Variants in RARS2 observed in about 807,000 individuals in gnomAD.
The protein encoded by RARS2 is probable arginine--tRNA ligase, mitochondrial.
RARS2 carries 67 observed loss-of-function variants against 88.5 expected under a neutral mutation model. The ratio of observed to expected loss-of-function variants is 0.76; its 90% CI spans 0.62 to 0.93. The LOEUF is 0.93. RARS2 is among the 40% of genes least tolerant of loss of function. The pLI is 0.00. For synonymous variants in RARS2, 239 were observed against 230.3 expected (o/e 1.04, Z -0.34); for missense variants, 664 against 684.2 (o/e 0.97, Z 0.33).
In RARS2 at chr6:87,522,048, C is replaced by T. The variant is rs537253797; in HGVS notation, c.975-524G>A. 2.0e-5 allele frequency among the ~76,000 whole-genome samples: 3 copies of T among 152,188 alleles called. No homozygotes were observed. The South Asian group carries it at 6.2e-4, about 32-fold the overall frequency. On this transcript the variant is annotated intron_variant, in intron 11 of 19. Coordinates refer to ENST00000369536, the MANE Select transcript of RARS2 (RefSeq NM_020320.5). ...TAACGCATTTAAAAGACCATAAAGT[C>T]GGCCAGGTGTGGCGGCTCACGCCTG... is the stretch of plus-strand genomic sequence containing the variant.
intron 1 of RARS2, among the ~76,000 whole-genome samples, chr6:87,587,663 TATA>T: frequency 6.6e-6 from 1 of 152,378 alleles, no homozygotes; most frequent in South Asian, 2.1e-4. Flanking sequence ...GACTCAATTA[TATA>T]ATAAGGTTAA....
chr6:87,540,901 C>T (rs1028997730), intron 8 of RARS2, among the ~76,000 whole-genome samples: 2 of 151,852 alleles, frequency 1.3e-5, no homozygotes, highest in African/African-American at 4.9e-5. Flanking sequence ...AAAAAGCACA[C>T]ACAATTTCAG....
intron 1 of RARS2, among the ~76,000 whole-genome samples, chr6:87,588,997 C>A (rs1776102133): frequency 6.6e-6 from 1 of 152,148 alleles, no homozygotes; most frequent in Non-Finnish European, 1.5e-5. Context: ...CCGGACAGGG[C>A]AGTACATCTA....
Position 87,519,536 on chromosome 6 carries a change from A to G in RARS2, c.1237+47T>C, listed in dbSNP as rs780870787. On this transcript the variant is annotated intron_variant, in intron 14 of 19. Coordinates refer to ENST00000369536, the MANE Select transcript of RARS2 (RefSeq NM_020320.5). ...ACTGCCCAAAGTCCAGAATAACATAAAAGTGGCACGTAAGTTATGACTTTA... is the reference window on the plus strand; with the variant it reads ...ACTGCCCAAAGTCCAGAATAACATAGAAGTGGCACGTAAGTTATGACTTTA... The G allele has an allele frequency of 1.6e-5, 25 of 1,570,438 alleles. No individual in the cohort carries two copies. The African/African-American group carries it at 3.0e-4, about 19-fold the overall frequency.
chr6:87,571,835 G>A (rs1263198390), intron 1 of RARS2, among the ~76,000 whole-genome samples: 1 of 152,110 alleles, frequency 6.6e-6, no homozygotes, highest in African/African-American at 2.4e-5. Flanking sequence ...TTCTTTAAGA[G>A]GCTTGTACAT....
chr6:87,574,286 A>G (rs1770715166), intron 1 of RARS2, among the ~76,000 whole-genome samples: 1 of 152,236 alleles, frequency 6.6e-6, no homozygotes, highest in African/African-American at 2.4e-5. Flanking sequence ...TATCAGGGCT[A>G]GTTTGCAAAA....
intron 1 of RARS2, among the ~76,000 whole-genome samples, chr6:87,576,425 C>T (rs903098917): frequency 9.0e-6 from 1 of 110,728 alleles, no homozygotes; most frequent in Non-Finnish European, 1.9e-5. Context: ...TACAGGCGCC[C>T]GCTACCACGC....
Position 87,567,973 on chromosome 6 carries a change from A to G in RARS2, c.110+1544T>C, listed in dbSNP as rs567610274. 8.5e-5 allele frequency among the ~76,000 whole-genome samples: 13 copies of G among 152,138 alleles called. No individual in the cohort carries two copies. In the East Asian group the frequency reaches 2.3e-3, roughly 27 times the overall value. Reference sequence around the variant, plus strand: ...TTTCTAGTAGAGACGGGGTTTCACCATGTTAGCCAGGATGGTCTCCATCTC... The same window carrying G: ...TTTCTAGTAGAGACGGGGTTTCACCGTGTTAGCCAGGATGGTCTCCATCTC... On this transcript the variant is annotated intron_variant, in intron 2 of 19. Transcript: ENST00000369536.
chr6:87,542,882 T>C (rs1781447545), intron 7 of RARS2, among the ~76,000 whole-genome samples: 1 of 149,578 alleles, frequency 6.7e-6, no homozygotes. Context: ...AGTTAATGGG[T>C]GCAGCACACC....
chr6:87,526,430 T>C (rs1293437050), intron 10 of RARS2, among the ~76,000 whole-genome samples: 1 of 151,578 alleles, frequency 6.6e-6, no homozygotes, highest in Admixed American at 6.6e-5. Flanking sequence ...GGCAGGAGAA[T>C]AGGTTGAACC....
In RARS2 at chr6:87,564,168, G is replaced by A. The variant is rs1456548023; in HGVS notation, c.175C>T (p.Pro59Ser). Residue 59 changes from proline to serine, a missense_variant, in exon 3 of 20, where the codon CCA becomes TCA. Physicochemically the swap from Pro to Ser is moderately conservative, Grantham distance 74. Coordinates refer to ENST00000369536, the MANE Select transcript of RARS2 (RefSeq NM_020320.5). ...LLEKDNDHSR[P>S]DIQVQAKRLA... Reference sequence around the variant, plus strand: ...CTCTTGGCTTGAACTTGAATATCTGGTCTTGAATGGTCATTGTCTTTTTCC... The same window carrying A: ...CTCTTGGCTTGAACTTGAATATCTGATCTTGAATGGTCATTGTCTTTTTCC... 1.2e-6 allele frequency: 2 copies of A among 1,613,480 alleles called. No homozygotes were observed. The highest frequency in any genetic ancestry group is 3.3e-5 in the Admixed American group (2 of 59,988).
chr6:87,518,303 A>G, intron 16 of RARS2, 39 bp from the exon 17 acceptor site: 1 of 1,613,710 alleles, frequency 6.2e-7, no homozygotes, highest in South Asian at 1.1e-5. Context: ...CAAAAGATTA[A>G]AAAGTCATAC....
intron 8 of RARS2, among the ~76,000 whole-genome samples, chr6:87,537,171 G>T (rs1483452175): frequency 2.6e-5 from 4 of 152,242 alleles, no homozygotes; most frequent in Non-Finnish European, 5.9e-5. Context: ...ATCTGCTACT[G>T]GATGGCCTAT....
intron 1 of RARS2, among the ~76,000 whole-genome samples, chr6:87,576,013 T>G (rs1004927826): frequency 2.6e-5 from 4 of 151,466 alleles, no homozygotes; most frequent in African/African-American, 9.7e-5. Flanking sequence ...TTGGCCAGAC[T>G]AGTCTCGAAC....
At chr6:87,546,638 G>A (rs1486082811) in intron 6 of RARS2, among the ~76,000 whole-genome samples, 7 of 152,208 alleles carry the variant, frequency 4.6e-5, no homozygotes, top group Admixed American at 4.6e-4. Context: ...GTTCCATAGT[G>A]CAGTTTTGGG....
rs969883163 is a variant in RARS2 at position 87,520,274 on chromosome 6, T to C, written c.1036-18A>G. 2 of 1,548,524 alleles carry C rather than the reference T, an allele frequency of 1.3e-6. No individual in the cohort carries two copies. The highest frequency in any genetic ancestry group is 3.3e-5 in the Admixed American group (2 of 59,868). ...TTATCTGTCTTGGGAAGAAAATATA[T>C]ATAAAATAAAAGAATACTGACAAAT... On this transcript the variant is annotated intron_variant, in intron 12 of 19. Transcript: ENST00000369536.
intron 8 of RARS2, among the ~76,000 whole-genome samples, chr6:87,536,002 T>C (rs376720201): frequency 1.3e-5 from 2 of 152,044 alleles, no homozygotes; most frequent in Non-Finnish European, 2.9e-5. Flanking sequence ...CCTTTTTTAA[T>C]GTCAGTGCTA....
At chr6:87,549,553 A>T (rs79681843) in intron 5 of RARS2, among the ~76,000 whole-genome samples, 4 of 118,036 alleles carry the variant, frequency 3.4e-5, no homozygotes, top group South Asian at 2.3e-4. Flanking sequence ...CTGTAAAATT[A>T]AAAAAAAAAA....
chr6:87,569,391 C>T (rs1333371066), intron 2 of RARS2, 126 bp downstream of exon 2: 1 of 732,102 alleles, frequency 1.4e-6, no homozygotes, highest in Non-Finnish European at 2.4e-6. Context: ...TATAATGAAT[C>T]ATATCTTACA....
Sources: allele counts gnomAD v4.1 joint callset (sites outside exome capture counted in the v4.1 genomes callset), GRCh38; gene constraint gnomAD v4.1.1; transcripts MANE v1.5; gene names NCBI Gene and HGNC (gene_info 2026-07-23, HGNC 2026-07-21).